Variants in PALS1 observed in about 807,000 individuals in gnomAD.
The protein encoded by PALS1 is protein PALS1.
In PALS1, 31 loss-of-function variants were observed where a neutral mutation model predicts 78.9. The observed-to-expected ratio is 0.39, with a 90% CI of 0.30 to 0.53. The LOEUF is 0.53. PALS1 is among the 20% of genes least tolerant of loss of function. The pLI is 0.67. For synonymous variants in PALS1, 276 were observed against 270.9 expected (o/e 1.02, Z -0.18); for missense variants, 704 against 826.5 (o/e 0.85, Z 1.82).
At chr14:67,330,234 CTCT>C (rs1222238610) in intron 14 of PALS1, among the ~76,000 whole-genome samples, 1 of 150,932 alleles carries the variant, frequency 6.6e-6, no homozygotes, top group East Asian at 1.9e-4. Flanking sequence ...TCTTTATTGT[CTCT>C]TTTCTATTTA....
chr14:67,263,831 C>T (rs1173603236), intron 1 of PALS1, among the ~76,000 whole-genome samples: 4 of 145,320 alleles, frequency 2.8e-5, no homozygotes, highest in East Asian at 4.6e-4. Context: ...TCCATCACTG[C>T]TTACTCAACC....
At chr14:67,328,515 C>A (rs1286041806) in intron 14 of PALS1, among the ~76,000 whole-genome samples, 6 of 152,172 alleles carry the variant, frequency 3.9e-5, no homozygotes, top group Non-Finnish European at 7.3e-5. Context: ...AGTTTTGTTG[C>A]CATTGCTTTT....
At chr14:67,282,620 A>C (rs1050910590) in intron 3 of PALS1, among the ~76,000 whole-genome samples, 1 of 152,152 alleles carries the variant, frequency 6.6e-6, no homozygotes, top group Non-Finnish European at 1.5e-5. Context: ...AAGCAGTTAG[A>C]ATTTTTTTGA....
At chr14:67,250,966 T>A (rs2140439524) in intron 1 of PALS1, among the ~76,000 whole-genome samples, 1 of 152,336 alleles carries the variant, frequency 6.6e-6, no homozygotes, top group African/African-American at 2.4e-5. Context: ...TTTGTATGTA[T>A]TTCTTAAATA....
At chr14:67,253,559 G>A (rs1595561692) in intron 1 of PALS1, among the ~76,000 whole-genome samples, 1 of 152,252 alleles carries the variant, frequency 6.6e-6, no homozygotes, top group East Asian at 1.9e-4. Context: ...AAATGACGTA[G>A]TTAGGCCAGG....
chr14:67,264,563 G>C (rs1192645316), intron 1 of PALS1, among the ~76,000 whole-genome samples: 1 of 152,166 alleles, frequency 6.6e-6, no homozygotes, highest in African/African-American at 2.4e-5. Context: ...TAAATGGTAT[G>C]AGTAAAGGTC....
chr14:67,321,110 G>T lies in PALS1; in HGVS notation c.1591G>T (p.Val531Phe), dbSNP rs2085256417. Residue 531 changes from valine (V) to phenylalanine (F), a missense_variant, in exon 13 of 15, where the codon GTT becomes TTT. Physicochemically the swap from Val to Phe is conservative, Grantham distance 50. Coordinates refer to ENST00000261681, the MANE Select transcript of PALS1 (RefSeq NM_022474.4). ...QEVAGRDYHF[V>F]SRQAFEADIA... ...AGTAGCCGGTAGAGATTACCACTTT[G>T]TTTCGCGGCAAGCATTCGAGGCAGA... The T allele has an allele frequency of 1.2e-6, 2 of 1,614,180 alleles. No individual in the cohort carries two copies. Among genetic ancestry groups the T allele is most frequent in the Non-Finnish European group, 1.7e-6 (2 of 1,180,022 alleles).
intron 2 of PALS1, chr14:67,270,801 A>G (rs1287550724): frequency 6.6e-6 from 1 of 152,214 alleles, no homozygotes; most frequent in African/African-American, 2.4e-5. Context: ...CCTTCATTAA[A>G]TTAACTTGTG....
chr14:67,316,435 G>A (rs1238537157), intron 9 of PALS1, among the ~76,000 whole-genome samples: 3 of 152,114 alleles, frequency 2.0e-5, no homozygotes, highest in Admixed American at 6.6e-5. Flanking sequence ...TGATGAATGC[G>A]CACATGTTGT....
At chr14:67,247,479 C>T (rs2084004598) in intron 1 of PALS1, among the ~76,000 whole-genome samples, 1 of 151,976 alleles carries the variant, frequency 6.6e-6, no homozygotes, top group Admixed American at 6.6e-5. Flanking sequence ...TCCTTCTAGT[C>T]TGTATGCCTT....
chr14:67,252,323 A>G (rs1483020489), intron 1 of PALS1, among the ~76,000 whole-genome samples: 4 of 151,792 alleles, frequency 2.6e-5, no homozygotes, highest in Non-Finnish European at 5.9e-5. Flanking sequence ...AGCTAATTTT[A>G]TTTTTATTTT....
chr14:67,332,681 C>T, intron 14 of PALS1, 99 bp from the exon 15 acceptor site: 2 of 1,127,830 alleles, frequency 1.8e-6, no homozygotes, highest in Non-Finnish European at 2.5e-6. Context: ...AGAAGGAAAG[C>T]TATGAAGGTC....
At chr14:67,302,333 A>C in intron 6 of PALS1, 77 bp from the exon 7 acceptor site, 1 of 1,202,594 alleles carries the variant, frequency 8.3e-7, no homozygotes, top group Non-Finnish European at 1.1e-6. Context: ...TGAATGGAAA[A>C]AATAGAATTT....
intron 1 of PALS1, among the ~76,000 whole-genome samples, chr14:67,247,403 G>A (rs550174928): frequency 1.3e-5 from 2 of 152,184 alleles, no homozygotes; most frequent in Admixed American, 1.3e-4. Flanking sequence ...AGCTCTAGGA[G>A]CTTTTTTATT....
At chr14:67,247,304 A>T (rs190072152) in intron 1 of PALS1, among the ~76,000 whole-genome samples, 20 of 152,360 alleles carry the variant, frequency 1.3e-4, no homozygotes, top group Admixed American at 1.1e-3. Context: ...ATCTAAAAAA[A>T]TCAGATTCCA....
chr14:67,320,292 A>G lies in PALS1; in HGVS notation c.1432A>G (p.Arg478Gly). 1 of 1,613,870 alleles carries G rather than the reference A, an allele frequency of 6.2e-7. No homozygotes were observed. Among genetic ancestry groups the G allele is most frequent in the Non-Finnish European group, 8.5e-7 (1 of 1,179,896 alleles). ...EMSLYHQPAN[R>G]KRPIILIGPQ... ...GTCACTTTATCATCAGCCAGCAAAT[A>G]GGAAGAGACCTATCATCTTGATTGG... Residue 478 changes from arginine to glycine, a missense_variant, in exon 12 of 15, where the codon AGG becomes GGG. By Grantham distance (125) the Arg-to-Gly change is moderately radical. Transcript: ENST00000261681.
intron 3 of PALS1, chr14:67,279,746 T>C: frequency 2.3e-6 from 1 of 434,012 alleles, no homozygotes; most frequent in Non-Finnish European, 4.0e-6. Flanking sequence ...AAATGTTAAG[T>C]CACTATAACA....
chr14:67,319,146 G>A (rs965492829), intron 11 of PALS1, among the ~76,000 whole-genome samples: 1 of 152,132 alleles, frequency 6.6e-6, no homozygotes, highest in Non-Finnish European at 1.5e-5. Context: ...ATTTAAACAA[G>A]TGTAGTTTGA....
At chr14:67,307,762 G>A (rs991937295) in intron 8 of PALS1, among the ~76,000 whole-genome samples, 3 of 152,010 alleles carry the variant, frequency 2.0e-5, no homozygotes, top group African/African-American at 7.2e-5. Flanking sequence ...ATAAATCTGC[G>A]ATAGTAAGAG....
Sources: gnomAD v4.1 joint callset for allele counts (sites outside exome capture counted in the v4.1 genomes callset) on GRCh38, gnomAD v4.1.1 for gene constraint, MANE v1.5 for transcripts, NCBI Gene and HGNC (gene_info 2026-07-23, HGNC 2026-07-21) for gene names.